Variants in WDR1 observed in about 807,000 individuals in gnomAD.
The protein encoded by WDR1 is WD repeat-containing protein 1.
WDR1 carries 21 observed loss-of-function variants against 71.9 expected under a neutral mutation model. The observed-to-expected ratio is 0.29, with a 90% CI of 0.21 to 0.42. WDR1 has a LOEUF of 0.42. Among genes scored for constraint, WDR1 ranks in the 10% least tolerant of loss-of-function variants. The pLI, the probability that WDR1 is intolerant of heterozygous loss-of-function variation, is 1.00. For missense variants in WDR1, 696 were observed against 824.5 expected, an observed-to-expected ratio of 0.84 and a Z score of 1.91; for synonymous variants, 424 against 347.4, an observed-to-expected ratio of 1.22 and a Z score of -2.45.
In WDR1 at chr4:10,075,047, G is replaced by A. The variant is rs931486676; in HGVS notation, c.*331C>T. 4 of 402,612 alleles carry A rather than the reference G, an allele frequency of 9.9e-6. No homozygotes were observed. Among genetic ancestry groups the A allele is most frequent in the Non-Finnish European group, 1.8e-5 (4 of 225,504 alleles). 24.9% of individuals were successfully genotyped at this position (402,612 alleles called of 1,614,324 possible). The stretch of plus-strand genomic sequence containing the variant: ...TCCCCTGACAGATAGTGAGAGCCGC[G>A]GCGGGGCCAGGGGCTCTGTGTGCTT... On this transcript the variant is annotated 3_prime_UTR_variant, in exon 15 of 15. Transcript: ENST00000499869.
intron 2 of WDR1, among the ~76,000 whole-genome samples, chr4:10,114,440 G>C (rs915629420): frequency 3.3e-5 from 5 of 152,196 alleles, no homozygotes; most frequent in Non-Finnish European, 5.9e-5. Flanking sequence ...GACCCATGTG[G>C]GGTGGAAAGA....
At position 10,078,921 on chromosome 4, in the gene WDR1, G is replaced by C; in HGVS notation, c.1365C>G (p.Pro455=). The C allele has an allele frequency of 6.2e-7, 1 of 1,612,826 alleles. No individual in the cohort carries two copies. The highest frequency in any genetic ancestry group is 1.1e-5 in the South Asian group (1 of 90,920). The change falls in exon 12 of 15, where the codon CCC becomes CCG. Residue 455 remains proline, a synonymous_variant. Coordinates refer to ENST00000499869, the MANE Select transcript of WDR1 (RefSeq NM_017491.5). ...CCCCAATTGCCACCGTGTCCCCGCC[G>C]GGGTGCACTGCCACAACTTCGGGCT... The part of the protein sequence containing the change: ...GYEPEVVAVH[P]GGDTVAIGGV...
In WDR1 at chr4:10,081,672, G is replaced by GA. The variant is rs1159133767; in HGVS notation, c.1197-229_1197-228insT. On this transcript the variant is annotated intron_variant, in intron 10 of 14. Coordinates refer to ENST00000499869, the MANE Select transcript of WDR1 (RefSeq NM_017491.5). ...GGGGCCCGGGGAGGGGTGGGGGGGGGGGAAGGAGGGGCGGGAGGCGGTGAA... is the reference window on the plus strand; with the variant it reads ...GGGGCCCGGGGAGGGGTGGGGGGGGGAGGAAGGAGGGGCGGGAGGCGGTGAA... Among the ~76,000 whole-genome samples the GA allele has an allele frequency of 3.8e-5, 5 of 130,850 alleles. No individual in the cohort carries two copies. In the East Asian group the frequency reaches 1.1e-3, roughly 29 times the overall value. 85.8% of individuals were successfully genotyped at this position (130,850 alleles called of 152,430 possible).
chr4:10,088,856 A>T (rs1711777254), intron 5 of WDR1, 115 bp from the exon 6 acceptor site: 1 of 812,174 alleles, frequency 1.2e-6, no homozygotes, highest in Non-Finnish European at 2.1e-6. Context: ...GTGAACTGTT[A>T]GTCCACTGGA....
intron 2 of WDR1, among the ~76,000 whole-genome samples, chr4:10,113,351 T>A (rs1441034187): frequency 6.6e-6 from 1 of 152,042 alleles, no homozygotes; most frequent in African/African-American, 2.4e-5. Flanking sequence ...ACAGTAAGCC[T>A]CCACCTCAAA....
intron 9 of WDR1, chr4:10,083,661 G>T (rs760651589): frequency 4.2e-6 from 2 of 475,302 alleles, no homozygotes; most frequent in East Asian, 6.5e-5. Context: ...GGTGCTCAGG[G>T]AGGGCAGCAG....
Position 10,075,155 on chromosome 4 carries a change from A to T in WDR1, c.*223T>A, listed in dbSNP as rs922887499. On this transcript the variant is annotated 3_prime_UTR_variant, in exon 15 of 15. Transcript: ENST00000499869. ...TTTAGTTATGCTCCACACATTGTTTAGGTGCTCGCTTTATTTTTCATGTGC... is the reference window on the plus strand; with the variant it reads ...TTTAGTTATGCTCCACACATTGTTTTGGTGCTCGCTTTATTTTTCATGTGC... 5.5e-6 allele frequency: 3 copies of T among 544,560 alleles called. No individual in the cohort carries two copies. Among genetic ancestry groups the T allele is most frequent in the Non-Finnish European group, 9.8e-6 (3 of 306,192 alleles). The allele number at this position is 544,560 out of a possible 1,614,324, so 33.7% of individuals were successfully genotyped here. A position where few individuals can be genotyped will look rare whatever the true frequency, so the allele number is the denominator to read the frequency against.
chr4:10,088,551 C>T (rs749355439), intron 6 of WDR1, 113 bp downstream of exon 6: 32 of 1,151,374 alleles, frequency 2.8e-5, no homozygotes, highest in Non-Finnish European at 3.8e-5. Flanking sequence ...GTGGGGAGGG[C>T]GATGTCTAAG....
Position 10,099,195 on chromosome 4 carries a change from G to A in WDR1, c.230-56C>T. 6 of 1,326,806 alleles carry A rather than the reference G, an allele frequency of 4.5e-6. 2 individuals carry two copies. The highest frequency in any genetic ancestry group is 6.3e-6 in the Non-Finnish European group (6 of 959,566). 82.2% of individuals were successfully genotyped at this position (1,326,806 alleles called of 1,614,324 possible). ...GAGGCGGTGGTGGGGTAAAGGGCAG[G>A]GGGAGAGCCACAGGTCACTGCCGGG... On this transcript the variant is annotated intron_variant, in intron 3 of 14. Coordinates refer to ENST00000499869, the MANE Select transcript of WDR1 (RefSeq NM_017491.5).
chr4:10,078,024 T>C (rs1189919415), intron 12 of WDR1, 98 bp from the exon 13 acceptor site: 1 of 1,380,202 alleles, frequency 7.2e-7, no homozygotes, highest in Non-Finnish European at 9.7e-7. Flanking sequence ...AACTGTGCCG[T>C]TCCCACTGAC....
At chr4:10,116,030 G>A (rs78299229) in intron 2 of WDR1, 83 bp downstream of exon 2, 51 of 1,537,568 alleles carry the variant, frequency 3.3e-5, no homozygotes, top group African/African-American at 9.6e-5. Context: ...ATGGGCAGGA[G>A]GTGAGAAGTG....
chr4:10,083,101 C>T lies in WDR1; in HGVS notation c.1117G>A (p.Val373Met), dbSNP rs756298935. The T allele has an allele frequency of 1.1e-5, 18 of 1,613,774 alleles. No individual in the cohort carries two copies. Among genetic ancestry groups the T allele is most frequent in the Non-Finnish European group, 1.5e-5 (18 of 1,179,878 alleles). ...CTGATGAGCTGCCCCGACTCATCCA[C>T]GGTCATCCTGGACACCTGGTTCGTG... ...GHTNQVSRMTVDESGQLISCS... is the reference protein window; with the variant it reads ...GHTNQVSRMTMDESGQLISCS... Residue 373 changes from valine to methionine, a missense_variant, in exon 10 of 15, where the codon GTG becomes ATG. Physicochemically the swap from Val to Met is conservative, Grantham distance 21. Transcript: ENST00000499869.
At chr4:10,109,833 G>C (rs947240412) in intron 2 of WDR1, among the ~76,000 whole-genome samples, 1 of 152,230 alleles carries the variant, frequency 6.6e-6, no homozygotes, top group Non-Finnish European at 1.5e-5. Flanking sequence ...CCTCTCAAAA[G>C]AGAGATGAGG....
Position 10,075,267 on chromosome 4 carries a change from T to G in WDR1, c.*111A>C. 1.3e-5 allele frequency: 11 copies of G among 872,828 alleles called. No individual in the cohort carries two copies. Among genetic ancestry groups the G allele is most frequent in the Non-Finnish European group, 1.8e-5 (10 of 545,846 alleles). The allele number at this position is 872,828 out of a possible 1,614,324, so 54.1% of individuals were successfully genotyped here. A position where few individuals can be genotyped will look rare whatever the true frequency, so the allele number is the denominator to read the frequency against. ...CATGACTGGGCCCTCCTGCCTCTTG[T>G]GGTGGGGTGGGGGCATGGGGGCGCG... On this transcript the variant is annotated 3_prime_UTR_variant, in exon 15 of 15. Transcript: ENST00000499869.
At chr4:10,087,005 G>A (rs887782696) in intron 8 of WDR1, among the ~76,000 whole-genome samples, 1 of 147,522 alleles carries the variant, frequency 6.8e-6, no homozygotes, top group African/African-American at 2.4e-5. Context: ...GGTGGAGGGA[G>A]AAGGCAGGAC....
At chr4:10,105,871 A>C (rs1712982188) in intron 2 of WDR1, among the ~76,000 whole-genome samples, 1 of 152,232 alleles carries the variant, frequency 6.6e-6, no homozygotes, top group Non-Finnish European at 1.5e-5. Flanking sequence ...GAAATACCCA[A>C]ATATCCATCA....
At chr4:10,098,463 C>G (rs935144227) in intron 4 of WDR1, among the ~76,000 whole-genome samples, 3 of 152,304 alleles carry the variant, frequency 2.0e-5, no homozygotes, top group Middle Eastern at 3.4e-3. Flanking sequence ...GGGACTCTGA[C>G]TCTCTTGAAT....
At chr4:10,089,246 C>T (rs1430957178) in intron 5 of WDR1, among the ~76,000 whole-genome samples, 2 of 152,138 alleles carry the variant, frequency 1.3e-5, no homozygotes, top group Non-Finnish European at 2.9e-5. Context: ...GTAGCTGGGA[C>T]GACAGGTGCC....
At chr4:10,090,468 T>A (rs1302626594) in intron 5 of WDR1, among the ~76,000 whole-genome samples, 3 of 152,116 alleles carry the variant, frequency 2.0e-5, no homozygotes, top group African/African-American at 7.2e-5. Flanking sequence ...GCAGTTCTCG[T>A]AGAGAGGCCA....
Sources: gnomAD v4.1 joint callset for allele counts (sites outside exome capture counted in the v4.1 genomes callset) on GRCh38, gnomAD v4.1.1 for gene constraint, MANE v1.5 for transcripts, NCBI Gene and HGNC (gene_info 2026-07-23, HGNC 2026-07-21) for gene names.